The following VPS13C variants were observed in gnomAD, a reference collection of about 807,000 sequenced individuals.
VPS13C encodes the protein vacuolar protein sorting 13 homolog C, also known as intermembrane lipid transfer protein VPS13C.
In VPS13C, 358 loss-of-function variants were observed where a neutral mutation model predicts 456.8. That is an observed-to-expected ratio of 0.78 (90% CI 0.72 to 0.86). The LOEUF (loss-of-function observed/expected upper bound fraction) is 0.86, where lower values mean the gene tolerates loss of function less well. Among genes scored for constraint, VPS13C ranks in the 40% least tolerant of loss-of-function variants. VPS13C has a pLI of 0.00. For synonymous variants in VPS13C, 1,578 were observed against 1,486.7 expected, an observed-to-expected ratio of 1.06 and a Z score of -1.41; for missense variants, 4,818 against 4,385.4, an observed-to-expected ratio of 1.10 and a Z score of -2.79.
chr15:61,945,747 C>T lies in VPS13C; in HGVS notation c.5116G>A (p.Val1706Ile), dbSNP rs754917020. 1 of 1,599,046 alleles carries T rather than the reference C, an allele frequency of 6.3e-7. No individual in the cohort carries two copies. ...LSFKVGCIQIVYVHKFFMSLL... is the reference protein window; with the variant it reads ...LSFKVGCIQIIYVHKFFMSLL... ...GACATGAAGAATTTATGAACATAAA[C>T]AATCTGAATACAACCCACTTTAAAA... The change falls in exon 45 of 85, where the codon GTT becomes ATT. Residue 1706 changes from valine (V) to isoleucine (I), a missense_variant. Around this residue, in one of 3 missense-constraint regions of VPS13C, gnomAD observed 4,552 missense variants for 4,130.6 expected, o/e 1.10. Transcript: ENST00000644861.
chr15:62,040,691 C>T (rs1161735750), intron 3 of VPS13C, among the ~76,000 whole-genome samples: 1 of 151,492 alleles, frequency 6.6e-6, no homozygotes, highest in Non-Finnish European at 1.5e-5. Context: ...TACACATGGA[C>T]CACCTAAATC....
In VPS13C at chr15:61,865,794, G is replaced by A. The variant is rs28684732; in HGVS notation, c.10864-2266C>T. ...TGTATATATGTATGTGTATATATAT[G>A]TGTGTGTGTATATATATATGAAGAT... On this transcript the variant is annotated intron_variant, in intron 81 of 84. Coordinates refer to ENST00000644861, the MANE Select transcript of VPS13C (RefSeq NM_020821.3). 3.7e-3 allele frequency: 769 copies of A among 206,824 alleles called. 2 individuals are homozygous for A. Among genetic ancestry groups the A allele is most frequent in the African/African-American group, 0.014 (211 of 14,916 alleles). 12.8% of individuals were successfully genotyped at this position (206,824 alleles called of 1,614,324 possible).
At position 61,984,978 on chromosome 15, in the gene VPS13C, G is replaced by T. The variant is rs771269843; in HGVS notation, c.1600C>A (p.Leu534Met). 1.0e-5 allele frequency: 16 copies of T among 1,589,088 alleles called. No homozygotes were observed. The highest frequency in any genetic ancestry group is 1.4e-5 in the Non-Finnish European group (16 of 1,169,930). Residue 534 changes from leucine (L) to methionine (M), a missense_variant, in exon 19 of 85, where the codon CTG becomes ATG. Physicochemically the swap from Leu to Met is conservative, Grantham distance 15 (BLOSUM62 2). Transcript: ENST00000644861. ...GTAACAGAGGTGCTTACTAACTTCA[G>T]GGTCATAATATGGGCAACATACTAT... ...PKQYVAHIMT[L>M]KLVSTSVTIR...
chr15:61,917,006 A>G (rs976157524), intron 60 of VPS13C, among the ~76,000 whole-genome samples: 1 of 152,130 alleles, frequency 6.6e-6, no homozygotes, highest in South Asian at 2.1e-4. Context: ...CTAGGTTCAA[A>G]TCCCAGCTCC....
At chr15:61,988,112 AAAG>A (rs1840695289) in intron 18 of VPS13C, among the ~76,000 whole-genome samples, 1 of 152,234 alleles carries the variant, frequency 6.6e-6, no homozygotes, top group African/African-American at 2.4e-5. Context: ...ATTTTGAGCA[AAAG>A]AAGATAGAAA....
Position 62,007,496 on chromosome 15 carries a change from G to A in VPS13C, c.1119-17C>T, listed in dbSNP as rs750452798. 1.1e-5 allele frequency: 17 copies of A among 1,543,820 alleles called. No individual in the cohort carries two copies. The highest frequency in any genetic ancestry group is 1.4e-5 in the Non-Finnish European group (16 of 1,146,752). On this transcript the variant is annotated splice_polypyrimidine_tract_variant and intron_variant, in intron 14 of 84. Coordinates refer to ENST00000644861, the MANE Select transcript of VPS13C (RefSeq NM_020821.3). Reference sequence around the variant, plus strand: ...TATTTCCACCTGAAAATCAAATTTTGTTAACGTAAATGTTAATATAAAGGT... The same window carrying A: ...TATTTCCACCTGAAAATCAAATTTTATTAACGTAAATGTTAATATAAAGGT...
intron 14 of VPS13C, 36 bp from the exon 15 acceptor site, chr15:62,007,515 TA>T: frequency 6.6e-7 from 1 of 1,504,552 alleles, no homozygotes. Flanking sequence ...AATGTTAATA[TA>T]AAGGTTTAAG....
chr15:61,904,053 G>A (rs957236319), intron 66 of VPS13C, among the ~76,000 whole-genome samples: 2 of 152,104 alleles, frequency 1.3e-5, no homozygotes, highest in African/African-American at 2.4e-5. Flanking sequence ...TTGGGGAAAT[G>A]CTTTAGGACA....
At chr15:61,969,179 A>C (rs1766010366) in intron 28 of VPS13C, 120 bp downstream of exon 28, 11 of 694,002 alleles carry the variant, frequency 1.6e-5, no homozygotes, top group Non-Finnish European at 2.4e-5. Context: ...TATTACTTGT[A>C]AAGTGCTTAC....
intron 69 of VPS13C, 83 bp from the exon 70 acceptor site, chr15:61,881,911 C>T: frequency 8.4e-7 from 1 of 1,189,558 alleles, no homozygotes; most frequent in Non-Finnish European, 1.2e-6. Context: ...GAAGAGGCCA[C>T]CACTTTCATC....
In VPS13C at chr15:61,858,539, C is replaced by T. The variant is rs1465707236; in HGVS notation, c.10953-2130G>A. ...AATTCTAAGACAAGTCTCCAAGATT[C>T]CCCAACCCTGGTATATATCTCTGTA... On this transcript the variant is annotated intron_variant, in intron 82 of 84. Coordinates refer to ENST00000644861, the MANE Select transcript of VPS13C (RefSeq NM_020821.3). The surrounding 1 kb of genome is among the most constrained non-coding windows in gnomAD (Gnocchi z 4.4). 6.6e-6 allele frequency among the ~76,000 whole-genome samples: 1 copy of T among 152,118 alleles called. No individual in the cohort carries two copies. The highest frequency in any genetic ancestry group is 6.6e-5 in the Admixed American group (1 of 15,266).
chr15:61,933,581 T>A (rs1477282479), intron 49 of VPS13C, among the ~76,000 whole-genome samples: 1 of 152,084 alleles, frequency 6.6e-6, no homozygotes. Flanking sequence ...AAATATGCCA[T>A]ATGTATTATA....
intron 2 of VPS13C, among the ~76,000 whole-genome samples, chr15:62,043,750 T>C (rs1165817453): frequency 1.3e-5 from 2 of 152,244 alleles, no homozygotes; most frequent in Non-Finnish European, 2.9e-5. Flanking sequence ...CATTGTTTTG[T>C]TTGTTTTCAA....
rs145042285 is a variant in VPS13C, at chr15:61,982,045, T to C, written c.2029+414A>G. ...ACATAGCTAGTACTTTATGTAGGGA[T>C]AGAATAATTTATTATTTCCTTGGTT... On this transcript the variant is annotated intron_variant, in intron 21 of 84. Coordinates refer to ENST00000644861, the MANE Select transcript of VPS13C (RefSeq NM_020821.3). Among the ~76,000 whole-genome samples the C allele has an allele frequency of 7.2e-5, 11 of 152,344 alleles. No individual in the cohort carries two copies. In the East Asian group the frequency reaches 9.6e-4, roughly 13 times the overall value.
At chr15:61,906,013 A>C (rs561697319) in intron 66 of VPS13C, among the ~76,000 whole-genome samples, 111 of 152,184 alleles carry the variant, frequency 7.3e-4, no homozygotes, top group Non-Finnish European at 1.4e-3. Context: ...TTTCAGAGGT[A>C]TAACTACCTT....
intron 22 of VPS13C, 54 bp downstream of exon 22, chr15:61,981,288 T>A: frequency 6.6e-7 from 1 of 1,513,044 alleles, no homozygotes; most frequent in Non-Finnish European, 8.8e-7. Context: ...TGTTGGAGAG[T>A]TAGCTAGCAA....
chr15:61,930,659 T>C (rs2044024964), intron 50 of VPS13C, among the ~76,000 whole-genome samples: 1 of 152,232 alleles, frequency 6.6e-6, no homozygotes, highest in Non-Finnish European at 1.5e-5. Flanking sequence ...GCGCTCGAGA[T>C]TCTATTTCTA....
chr15:61,934,383 T>C (rs1420455454), intron 48 of VPS13C, 52 bp from the exon 49 acceptor site: 1 of 961,868 alleles, frequency 1.0e-6, no homozygotes, highest in East Asian at 2.8e-5. Context: ...TTTATAAATA[T>C]TTTTAAATAT....
chr15:61,967,279 G>T (rs1168704819), intron 29 of VPS13C, 89 bp downstream of exon 29: 3 of 1,081,476 alleles, frequency 2.8e-6, no homozygotes, highest in Non-Finnish European at 4.1e-6. Context: ...TACACATCCA[G>T]AGCCATTAGT....
Sources: allele counts gnomAD v4.1 joint callset (sites outside exome capture counted in the v4.1 genomes callset), GRCh38; gene constraint gnomAD v4.1.1; regional missense constraint gnomAD v4.1.1; non-coding constraint Gnocchi (gnomAD v3.1); transcripts MANE v1.5; gene names NCBI Gene and HGNC (gene_info 2026-07-23, HGNC 2026-07-21).